ZNF678: variants seen among roughly 807,000 people sequenced by gnomAD.
ZNF678 encodes hypothetical protein MGC42493.
ZNF678 carries 5 observed loss-of-function variants against 3.0 expected under a neutral mutation model. The observed-to-expected ratio is 1.69, with a 90% CI of 0.88 to 3.56. ZNF678 has a LOEUF of 3.56. Ranked by LOEUF, ZNF678 falls within the 30% of genes most tolerant of loss-of-function variation. The probability of loss-of-function intolerance (pLI) is 0.00; values close to 1 mark genes in which losing one functional copy is unlikely to be tolerated. For synonymous variants in ZNF678, 218 were observed against 199.6 expected, an observed-to-expected ratio of 1.09 and a Z score of -0.78; for missense variants, 593 against 605.0, an observed-to-expected ratio of 0.98 and a Z score of 0.21.
chr1:227,600,239 T>C (rs933340571), intron 1 of ZNF678, among the ~76,000 whole-genome samples: 6 of 152,244 alleles, frequency 3.9e-5, no homozygotes, highest in Admixed American at 6.5e-5. Flanking sequence ...ATTCTATGTC[T>C]TTGCTATTGT....
At chr1:227,599,738 G>T (rs6685570) in intron 1 of ZNF678, among the ~76,000 whole-genome samples, 2 of 151,952 alleles carry the variant, frequency 1.3e-5, no homozygotes, top group East Asian at 3.9e-4. Context: ...AATAAACACC[G>T]TACATGAATG....
intron 1 of ZNF678, among the ~76,000 whole-genome samples, chr1:227,590,142 A>T (rs1177762292): frequency 6.6e-6 from 1 of 151,766 alleles, no homozygotes; most frequent in Non-Finnish European, 1.5e-5. Flanking sequence ...TTTTTATTAT[A>T]AGAGTTTTAA....
In ZNF678 at chr1:227,654,670, A is replaced by C. The variant is rs1659173381; in HGVS notation, c.420A>C (p.Leu140=). 1.2e-6 allele frequency: 2 copies of C among 1,612,870 alleles called. No homozygotes were observed. The highest frequency in any genetic ancestry group is 1.7e-5 in the Admixed American group (1 of 59,834). The stretch of plus-strand genomic sequence containing the variant: ...AAGTTTTCAATCGATGTTCAAACCT[A>C]ACAAAACATAAAAGAATTCATACTG... ...CGKVFNRCSN[L]TKHKRIHTGE... Residue 140 remains leucine (L), a synonymous_variant, in exon 4 of 4, where the codon CTA becomes CTC. Transcript: ENST00000343776.
chr1:227,633,939 C>T (rs1306920928), intron 1 of ZNF678, among the ~76,000 whole-genome samples: 1 of 152,224 alleles, frequency 6.6e-6, no homozygotes, highest in Non-Finnish European at 1.5e-5. Context: ...CCAGGCTTCA[C>T]AGCTCATGTC....
intron 1 of ZNF678, among the ~76,000 whole-genome samples, chr1:227,573,287 G>A (rs1656901424): frequency 6.6e-6 from 1 of 152,164 alleles, no homozygotes; most frequent in Admixed American, 6.5e-5. Flanking sequence ...GTGTGTCATT[G>A]TCTGTTTTTA....
intron 1 of ZNF678, among the ~76,000 whole-genome samples, chr1:227,628,296 T>G (rs1370754345): frequency 6.6e-6 from 1 of 152,210 alleles, no homozygotes; most frequent in African/African-American, 2.4e-5. Flanking sequence ...TATTCCTGTT[T>G]TTTTTTCTGT....
At chr1:227,569,040 G>A (rs1656769174) in intron 1 of ZNF678, among the ~76,000 whole-genome samples, 1 of 152,210 alleles carries the variant, frequency 6.6e-6, no homozygotes, top group Admixed American at 6.5e-5. Context: ...GGACTTAGAG[G>A]TGTTGCTGGA....
At chr1:227,571,223 AT>A (rs1273012355) in intron 1 of ZNF678, among the ~76,000 whole-genome samples, 1 of 152,206 alleles carries the variant, frequency 6.6e-6, no homozygotes, top group Non-Finnish European at 1.5e-5. Flanking sequence ...TTTCTGTAAA[AT>A]TGTACTGCCA....
intron 1 of ZNF678, among the ~76,000 whole-genome samples, chr1:227,569,332 T>C (rs1376995511): frequency 6.6e-6 from 1 of 152,226 alleles, no homozygotes; most frequent in Non-Finnish European, 1.5e-5. Context: ...TCTTGAAATA[T>C]ATGCAAATTT....
At chr1:227,622,741 T>A (rs913351029) in intron 1 of ZNF678, among the ~76,000 whole-genome samples, 1 of 152,212 alleles carries the variant, frequency 6.6e-6, no homozygotes, top group Admixed American at 6.5e-5. Context: ...AGGTGGGGGT[T>A]AAGGCTGAAA....
intron 1 of ZNF678, among the ~76,000 whole-genome samples, chr1:227,636,302 T>G (rs1658678045): frequency 1.3e-5 from 2 of 152,172 alleles, no homozygotes; most frequent in Admixed American, 1.3e-4. Context: ...TCTAGAACCG[T>G]TTTTCTGTTA....
At chr1:227,593,492 C>A (rs908200141) in intron 1 of ZNF678, among the ~76,000 whole-genome samples, 2 of 152,210 alleles carry the variant, frequency 1.3e-5, no homozygotes, top group Non-Finnish European at 2.9e-5. Context: ...GGGGGCAAGA[C>A]TCCTGGTTGG....
At chr1:227,665,854 C>T (rs185626071), downstream of ZNF678, among the ~76,000 whole-genome samples, 2 of 152,278 alleles carry the variant, frequency 1.3e-5, no homozygotes, top group African/African-American at 4.8e-5. Flanking sequence ...GGCAACTGCT[C>T]TCTCCTGGGA....
rs116274292 is a variant in ZNF678 at position 227,572,553 on chromosome 1, A to G, written c.-164+8829A>G. ...GGCCACTGCCTGGTGGGGAAGAGCGATGGGCACCCAATCCTAGCTCACATG... is the reference window on the plus strand; with the variant it reads ...GGCCACTGCCTGGTGGGGAAGAGCGGTGGGCACCCAATCCTAGCTCACATG... On this transcript the variant is annotated intron_variant, in intron 1 of 3. Coordinates refer to ENST00000343776, the MANE Select transcript of ZNF678 (RefSeq NM_001367909.1). Among the ~76,000 whole-genome samples the G allele has an allele frequency of 3.8e-3, 581 of 152,194 alleles. 4 individuals carry two copies. Among genetic ancestry groups the G allele is most frequent in the African/African-American group, 0.013 (558 of 41,526 alleles).
At chr1:227,651,383 C>A (rs1659089400) in intron 3 of ZNF678, among the ~76,000 whole-genome samples, 1 of 152,180 alleles carries the variant, frequency 6.6e-6, no homozygotes, top group African/African-American at 2.4e-5. Context: ...GTTGGCAAGA[C>A]TGTCCACAGA....
chr1:227,654,418 T>C lies in ZNF678; in HGVS notation c.168T>C (p.His56=). The C allele has an allele frequency of 6.2e-7, 1 of 1,612,462 alleles. No individual in the cohort carries two copies. Among genetic ancestry groups the C allele is most frequent in the Middle Eastern group, 1.7e-4 (1 of 6,046 alleles). The change falls in exon 4 of 4, where the codon CAT becomes CAC. Residue 56 remains histidine, a synonymous_variant. Transcript: ENST00000343776. The part of the protein sequence containing the change: ...DLCQKVTLTR[H]RSWGLDNLHL... ...GCCAAAAAGTGACACTGACAAGACA[T>C]AGAAGCTGGGGCCTTGACAATTTGC...
At position 227,655,399 on chromosome 1, in the gene ZNF678, C is replaced by G; in HGVS notation, c.1149C>G (p.Gly383=). Residue 383 remains glycine (G), a synonymous_variant, in exon 4 of 4, where the codon GGC becomes GGG. Transcript: ENST00000343776. The part of the protein sequence containing the change: ...GEKPYKCKEC[G]KAFNKFSSLT... ...AACCCTACAAATGCAAAGAATGTGG[C>G]AAAGCGTTTAACAAGTTCTCAAGCC... is the stretch of plus-strand genomic sequence containing the variant. 6.2e-7 allele frequency: 1 copy of G among 1,612,252 alleles called. No individual in the cohort carries two copies. The highest frequency in any genetic ancestry group is 8.5e-7 in the Non-Finnish European group (1 of 1,179,180).
intron 1 of ZNF678, among the ~76,000 whole-genome samples, chr1:227,589,464 C>T (rs940908858): frequency 5.3e-5 from 8 of 151,494 alleles, no homozygotes; most frequent in Non-Finnish European, 1.0e-4. Context: ...TGTAGCAGGA[C>T]GAGCTGCAGA....
downstream of ZNF678, among the ~76,000 whole-genome samples, chr1:227,663,822 A>G (rs1659456345): frequency 6.6e-6 from 1 of 152,194 alleles, no homozygotes; most frequent in Non-Finnish European, 1.5e-5. Context: ...CAGGGTGTCT[A>G]CATATTCAGG....
Sources: gnomAD v4.1 joint callset for allele counts (sites outside exome capture counted in the v4.1 genomes callset) on GRCh38, gnomAD v4.1.1 for gene constraint, MANE v1.5 for transcripts, NCBI Gene and HGNC (gene_info 2026-07-23, HGNC 2026-07-21) for gene names.